Variants in MKNK1 observed in about 807,000 individuals in gnomAD.
MKNK1 encodes MAP kinase-interacting serine/threonine-protein kinase 1.
Under a neutral mutation model 49.3 loss-of-function variants are expected in MKNK1, and 30 were observed. That is an observed-to-expected ratio of 0.61 (90% CI 0.46 to 0.83). MKNK1 has a LOEUF of 0.83. MKNK1 is among the 40% of genes least tolerant of loss of function. The pLI, the probability that MKNK1 is intolerant of heterozygous loss-of-function variation, is 0.00. For synonymous variants in MKNK1, 176 were observed against 201.7 expected (o/e 0.87, Z 1.08); for missense variants, 423 against 524.7 (o/e 0.81, Z 1.89).
chr1:46,572,052 G>T lies in MKNK1; in HGVS notation c.457+11C>A, dbSNP rs759125768. 3 of 1,613,312 alleles carry T rather than the reference G, an allele frequency of 1.9e-6. No individual in the cohort carries two copies. Among genetic ancestry groups the T allele is most frequent in the Non-Finnish European group, 2.5e-6 (3 of 1,179,358 alleles). On this transcript the variant is annotated intron_variant, in intron 7 of 12. Coordinates refer to ENST00000371945, the MANE Select transcript of MKNK1 (RefSeq NM_001135553.4). Reference sequence around the variant, plus strand: ...GCCCAACCCACCCACCAAGGCAAAGGCTGGGTTCACCTTTGGTATGCAGGA... The same window carrying T: ...GCCCAACCCACCCACCAAGGCAAAGTCTGGGTTCACCTTTGGTATGCAGGA...
At chr1:46,594,478 G>A (rs1307328437) in intron 1 of MKNK1, among the ~76,000 whole-genome samples, 198 bp from the exon 2 acceptor site, 2 of 152,154 alleles carry the variant, frequency 1.3e-5, no homozygotes, top group African/African-American at 2.4e-5. Flanking sequence ...GTCTTGTTAT[G>A]TTGCCCAGGC....
chr1:46,567,155 C>CTGT (rs1007625658), intron 8 of MKNK1, among the ~76,000 whole-genome samples: 2 of 152,180 alleles, frequency 1.3e-5, no homozygotes, highest in Admixed American at 6.5e-5. Context: ...GTTGCCCAGG[C>CTGT]TGTTCTTAAG....
intron 5 of MKNK1, 55 bp downstream of exon 5, chr1:46,576,515 CCTCCT>C: frequency 7.2e-7 from 1 of 1,391,530 alleles, no homozygotes; most frequent in Admixed American, 1.7e-5. Context: ...TAAGAAATAG[CCTCCT>C]CTTCTGTGGC....
intron 1 of MKNK1, among the ~76,000 whole-genome samples, chr1:46,601,525 C>A (rs1348534302): frequency 1.3e-5 from 2 of 152,196 alleles, no homozygotes; most frequent in Non-Finnish European, 2.9e-5. Context: ...CTGAACACAG[C>A]ATTACCTACC....
intron 2 of MKNK1, chr1:46,593,733 G>GT (rs1320987716): frequency 6.3e-6 from 1 of 158,570 alleles, no homozygotes; most frequent in Non-Finnish European, 1.4e-5. Flanking sequence ...GTGCACGCCT[G>GT]TAATCCCAGC....
chr1:46,580,307 A>G (rs1041393565), intron 4 of MKNK1: 2 of 525,062 alleles, frequency 3.8e-6, no homozygotes, highest in South Asian at 2.1e-5. Context: ...ACAATTCTAC[A>G]TAGGTTCTAG....
intron 9 of MKNK1, 195 bp from the exon 10 acceptor site, chr1:46,563,038 C>A: frequency 1.8e-6 from 1 of 553,482 alleles, no homozygotes; most frequent in Non-Finnish European, 3.1e-6. Flanking sequence ...CCATCATTTT[C>A]CATCATCCAG....
At chr1:46,600,763 A>G (rs1317429757) in intron 1 of MKNK1, among the ~76,000 whole-genome samples, 2 of 152,240 alleles carry the variant, frequency 1.3e-5, no homozygotes, top group Non-Finnish European at 2.9e-5. Flanking sequence ...CCAAGCTATA[A>G]CACAGAGTTA....
chr1:46,575,024 A>G lies in MKNK1; in HGVS notation c.279-4T>C. 1 of 1,579,528 alleles carries G rather than the reference A, an allele frequency of 6.3e-7. No individual in the cohort carries two copies. ...CTCAATCAGCTCCAAAATGTTCCTT[A>G]AATAGGGAAAATAGGAGGAGAGGGA... On this transcript the variant is annotated splice_polypyrimidine_tract_variant and splice_region_variant and intron_variant, in intron 5 of 12. Coordinates refer to ENST00000371945, the MANE Select transcript of MKNK1 (RefSeq NM_001135553.4).
intron 4 of MKNK1, 91 bp downstream of exon 4, chr1:46,580,439 A>G (rs1436601291): frequency 1.1e-6 from 1 of 916,406 alleles, no homozygotes; most frequent in African/African-American, 1.6e-5. Context: ...CAGAGTCCCC[A>G]TTCTTATGGA....
At chr1:46,572,569 G>A (rs187823010) in intron 6 of MKNK1, among the ~76,000 whole-genome samples, 1 of 152,094 alleles carries the variant, frequency 6.6e-6, no homozygotes, top group African/African-American at 2.4e-5. Flanking sequence ...CTTGGGGTGG[G>A]GACATAGGGA....
intron 1 of MKNK1, 24 bp downstream of exon 1, chr1:46,604,161 A>C (rs1438615811): frequency 6.6e-6 from 1 of 152,260 alleles, no homozygotes; most frequent in African/African-American, 2.4e-5. Context: ...GCTCGGAGGA[A>C]TACCTCGCAG....
Position 46,583,316 on chromosome 1 carries a change from G to A in MKNK1, c.12C>T (p.Ser4=), listed in dbSNP as rs141126024. 13 of 1,612,996 alleles carry A rather than the reference G, an allele frequency of 8.1e-6. No individual in the cohort carries two copies. The African/African-American group carries it at 1.1e-4, about 13-fold the overall frequency. MGS[S]EPLPIADGDR... is the part of the protein sequence containing the mutation. ...CACCATCTGCGATGGGAAGGGGTTC[G>A]CTACTGCCCATCTCTAGGAGATAAG... Residue 4 remains serine (S), a synonymous_variant, in exon 3 of 13, where the codon AGC becomes AGT. Coordinates refer to ENST00000371945, the MANE Select transcript of MKNK1 (RefSeq NM_001135553.4).
intron 3 of MKNK1, 137 bp downstream of exon 3, chr1:46,583,091 C>T (rs1019351141): frequency 6.7e-6 from 5 of 745,168 alleles, no homozygotes; most frequent in East Asian, 4.9e-5. Flanking sequence ...TCATCCCCAT[C>T]TTATCTCCCT....
chr1:46,591,664 C>T (rs986103549), intron 2 of MKNK1, among the ~76,000 whole-genome samples: 4 of 152,180 alleles, frequency 2.6e-5, no homozygotes, highest in Admixed American at 6.5e-5. Context: ...GCTCTCCAAC[C>T]CCAAGCCCCT....
intron 8 of MKNK1, among the ~76,000 whole-genome samples, chr1:46,566,769 A>G (rs2148597738): frequency 6.6e-6 from 1 of 152,194 alleles, no homozygotes; most frequent in South Asian, 2.1e-4. Flanking sequence ...TACTTGTTGG[A>G]CATTTGTGTA....
In MKNK1 at chr1:46,580,611, G is replaced by A; in HGVS notation, c.117C>T (p.Thr39=). The A allele has an allele frequency of 6.2e-7, 1 of 1,613,414 alleles. No homozygotes were observed. The highest frequency in any genetic ancestry group is 2.2e-5 in the East Asian group (1 of 44,878). Residue 39 remains threonine, a synonymous_variant, in exon 4 of 13, where the codon ACC becomes ACT. Coordinates refer to ENST00000371945, the MANE Select transcript of MKNK1 (RefSeq NM_001135553.4). ...AGGCTCCCTCTCCAAGCAATTCAGA[G>A]GTCAGCTTGTACATATCTAGAGGTG... ...PGKFEDMYKL[T]SELLGEGAYA...
chr1:46,570,025 T>G (rs1669819384), intron 7 of MKNK1: 1 of 152,236 alleles, frequency 6.6e-6, no homozygotes. Context: ...GGAACTTGTT[T>G]CAGGGCTGAC....
intron 3 of MKNK1, chr1:46,582,938 A>T (rs1174912831): frequency 1.7e-6 from 1 of 576,768 alleles, no homozygotes; most frequent in Admixed American, 2.2e-5. Context: ...AAAAAGGAAG[A>T]CCCCAGGCAA....
Sources: allele counts gnomAD v4.1 joint callset (sites outside exome capture counted in the v4.1 genomes callset), GRCh38; gene constraint gnomAD v4.1.1; transcripts MANE v1.5; gene names NCBI Gene and HGNC (gene_info 2026-07-23, HGNC 2026-07-21).